The following CES5A variants were observed in gnomAD, a reference collection of about 807,000 sequenced individuals.
CES5A encodes the protein carboxylesterase 5A, also known as carboxylesterase 5.
Under a neutral mutation model 62.9 loss-of-function variants are expected in CES5A, and 67 were observed. The observed-to-expected ratio is 1.07, with a 90% CI of 0.88 to 1.31. The LOEUF is 1.31. CES5A is among the 50% of genes most tolerant of loss of function. The pLI is 0.00. For missense variants in CES5A, 748 were observed against 708.5 expected, an observed-to-expected ratio of 1.06 and a Z score of -0.63; for synonymous variants, 296 against 280.8, an observed-to-expected ratio of 1.05 and a Z score of -0.54.
intron 11 of CES5A, among the ~76,000 whole-genome samples, 197 bp from the exon 12 acceptor site, chr16:55,847,037 C>T (rs1327881379): frequency 6.6e-6 from 1 of 152,096 alleles, no homozygotes; most frequent in African/African-American, 2.4e-5. Flanking sequence ...CTGTGGCTTC[C>T]GAATGGTGGA....
At position 55,852,923 on chromosome 16, in the gene CES5A, A is replaced by G; in HGVS notation, c.1231T>C (p.Phe411Leu). The change falls in exon 10 of 13, where the codon TTC (phenylalanine) becomes CTC (leucine). Residue 411 changes from phenylalanine (F) to leucine (L), a missense_variant. Physicochemically the swap from Phe to Leu is conservative, Grantham distance 22 (BLOSUM62 0). Transcript: ENST00000290567. ...GTGATCAGTGCAGGGACCACAAAGA[A>G]CACATCTCCAAGCAAGTCCAGAAGA... ...DSLLDLLGDV[F>L]FVVPALITAR... 6.2e-7 allele frequency: 1 copy of G among 1,614,164 alleles called. No homozygotes were observed. Among genetic ancestry groups the G allele is most frequent in the Admixed American group, 1.7e-5 (1 of 60,028 alleles).
In CES5A at chr16:55,859,649, G is replaced by A; in HGVS notation, c.954C>T (p.Phe318=). ...ATAGATCTAGAGGCTCATTAGGAAA[G>A]AAAGCACCATCAACCACTCGAGTGA... The part of the protein sequence containing the change: ...KSFTRVVDGA[F]FPNEPLDLLS... The change falls in exon 8 of 13, where the codon TTC becomes TTT. Residue 318 remains phenylalanine, a synonymous_variant. Transcript: ENST00000290567. 6.2e-7 allele frequency: 1 copy of A among 1,612,820 alleles called. No homozygotes were observed. The highest frequency in any genetic ancestry group is 8.5e-7 in the Non-Finnish European group (1 of 1,179,480).
chr16:55,859,654 C>T lies in CES5A; in HGVS notation c.949G>A (p.Ala317Thr). ...TCTAGAGGCTCATTAGGAAAGAAAG[C>T]ACCATCAACCACTCGAGTGAAAGAC... ...TKSFTRVVDG[A>T]FFPNEPLDLL... The change falls in exon 8 of 13, where the codon GCT (alanine) becomes ACT (threonine). Residue 317 changes from alanine to threonine, a missense_variant. Coordinates refer to ENST00000290567, the MANE Select transcript of CES5A (RefSeq NM_001143685.2). 6.2e-7 allele frequency: 1 copy of T among 1,611,720 alleles called. No individual in the cohort carries two copies. Among genetic ancestry groups the T allele is most frequent in the Non-Finnish European group, 8.5e-7 (1 of 1,179,246 alleles).
intron 1 of CES5A, among the ~76,000 whole-genome samples, chr16:55,891,782 C>A (rs925092343): frequency 7.2e-5 from 11 of 152,198 alleles, no homozygotes; most frequent in African/African-American, 2.2e-4. Context: ...TCACACCCTA[C>A]AAACCATAAA....
chr16:55,876,558 G>A (rs2033696881), upstream of CES5A, among the ~76,000 whole-genome samples: 1 of 152,128 alleles, frequency 6.6e-6, no homozygotes, highest in South Asian at 2.1e-4. Flanking sequence ...CCCCCTCTTA[G>A]ACATAGGTCC....
Position 55,849,639 on chromosome 16 carries a change from CCCCCTTCAGGAAGGCA to C in CES5A, c.1392_1407del (p.Ala465ThrfsTer15), listed in dbSNP as rs1412895967. On this transcript the variant is annotated frameshift_variant, in exon 11 of 13. Coordinates refer to ENST00000290567, the MANE Select transcript of CES5A (RefSeq NM_001143685.2). LOFTEE classifies it high-confidence loss of function. Reference sequence around the variant, plus strand: ...AGTCCCTTACCGAACATAACAATGTCCCCCTTCAGGAAGGCACCACCGAACACAAAGCGGACTTCAT... The same window carrying C: ...AGTCCCTTACCGAACATAACAATGTCCCACCGAACACAAAGCGGACTTCAT... The C allele has an allele frequency of 6.2e-7, 1 of 1,613,962 alleles. No homozygotes were observed. The highest frequency in any genetic ancestry group is 1.3e-5 in the African/African-American group (1 of 75,034).
chr16:55,878,753 CA>C (rs2033726578), upstream of CES5A, among the ~76,000 whole-genome samples: 2 of 149,754 alleles, frequency 1.3e-5, no homozygotes, highest in Admixed American at 6.6e-5. Flanking sequence ...CACTGCATCT[CA>C]CCACTGAACC....
At chr16:55,898,756 CT>C (rs2033960250) in intron 1 of CES5A, among the ~76,000 whole-genome samples, 1 of 152,198 alleles carries the variant, frequency 6.6e-6, no homozygotes, top group South Asian at 2.1e-4. Flanking sequence ...ATGGGAGAGG[CT>C]GAGGGCCTTC....
chr16:55,950,764 T>C (rs1238535876), intron 1 of CES5A, among the ~76,000 whole-genome samples: 1 of 151,496 alleles, frequency 6.6e-6, no homozygotes, highest in Non-Finnish European at 1.5e-5. Context: ...GATAGAAGTC[T>C]TTAGATTGAA....
chr16:55,896,752 G>A (rs1345049838), intron 1 of CES5A, among the ~76,000 whole-genome samples: 1 of 152,070 alleles, frequency 6.6e-6, no homozygotes, highest in Non-Finnish European at 1.5e-5. Flanking sequence ...TAGACTAAAG[G>A]GTACATCCAT....
In CES5A at chr16:55,861,420, G is replaced by A; in HGVS notation, c.907C>T (p.Leu303Phe). Residue 303 changes from leucine (L) to phenylalanine (F), a missense_variant, in exon 7 of 13, where the codon CTC becomes TTC. Physicochemically the swap from Leu to Phe is conservative, Grantham distance 22 (BLOSUM62 0). Coordinates refer to ENST00000290567, the MANE Select transcript of CES5A (RefSeq NM_001143685.2). Reference protein sequence around the residue: ...RTKPSKELLTLSQKTKSFTRV... With the variant: ...RTKPSKELLTFSQKTKSFTRV... ...GCCCCCTCTGTCCTCACCTGGCTGA[G>A]GGTCAGCAGCTCCTTGGAGGGTTTT... is the stretch of plus-strand genomic sequence containing the variant. 1 of 1,610,638 alleles carries A rather than the reference G, an allele frequency of 6.2e-7. No individual in the cohort carries two copies. The highest frequency in any genetic ancestry group is 1.3e-5 in the African/African-American group (1 of 74,978).
At chr16:55,847,141 T>C (rs1357050455) in intron 11 of CES5A, among the ~76,000 whole-genome samples, 1 of 151,986 alleles carries the variant, frequency 6.6e-6, no homozygotes, top group East Asian at 1.9e-4. Flanking sequence ...GCTTGCTCCC[T>C]CTCTCTGTCT....
At chr16:55,951,949 A>T (rs904980069) in intron 1 of CES5A, among the ~76,000 whole-genome samples, 2 of 152,176 alleles carry the variant, frequency 1.3e-5, no homozygotes, top group African/African-American at 4.8e-5. Context: ...AAAATTTTAC[A>T]GTGTGATCTA....
upstream of CES5A, among the ~76,000 whole-genome samples, chr16:55,876,364 C>A (rs1238139466): frequency 7.3e-6 from 1 of 136,730 alleles, no homozygotes; most frequent in African/African-American, 2.8e-5. Flanking sequence ...ATATATGTTG[C>A]ATTTCTATAC....
chr16:55,912,381 C>T (rs2034102519), intron 1 of CES5A, among the ~76,000 whole-genome samples: 2 of 152,164 alleles, frequency 1.3e-5, no homozygotes, highest in Admixed American at 1.3e-4. Flanking sequence ...TGCCGGGTCT[C>T]TCTGGGCTTC....
intron 1 of CES5A, among the ~76,000 whole-genome samples, chr16:55,895,472 T>C (rs1209004125): frequency 6.6e-6 from 1 of 152,260 alleles, no homozygotes; most frequent in East Asian, 1.9e-4. Flanking sequence ...AGCTTTCAGA[T>C]GTAACATCTC....
intron 1 of CES5A, among the ~76,000 whole-genome samples, chr16:55,912,111 A>C (rs1484112325): frequency 1.3e-5 from 2 of 152,120 alleles, no homozygotes; most frequent in Non-Finnish European, 2.9e-5. Context: ...AGGAACATGT[A>C]TTCTCATGGG....
At chr16:55,917,169 T>A (rs993003212) in intron 1 of CES5A, among the ~76,000 whole-genome samples, 7 of 152,208 alleles carry the variant, frequency 4.6e-5, no homozygotes, top group African/African-American at 1.7e-4. Context: ...TGGTTTTAAG[T>A]GCCATCAAAT....
chr16:55,920,520 C>G (rs574212169), intron 1 of CES5A, among the ~76,000 whole-genome samples: 12 of 152,312 alleles, frequency 7.9e-5, no homozygotes, highest in Middle Eastern at 3.4e-3. Flanking sequence ...GAGACCCCCC[C>G]ATTCAGAAAG....
Sources: gnomAD v4.1 joint callset for allele counts (sites outside exome capture counted in the v4.1 genomes callset) on GRCh38, gnomAD v4.1.1 for gene constraint, MANE v1.5 for transcripts, NCBI Gene and HGNC (gene_info 2026-07-23, HGNC 2026-07-21) for gene names.